The following PLD4 variants were observed in gnomAD, a reference collection of about 807,000 sequenced individuals.
PLD4 encodes phospholipase D family member 4, also known as 5'-3' exonuclease PLD4.
PLD4 carries 54 observed loss-of-function variants against 52.3 expected under a neutral mutation model. The ratio of observed to expected loss-of-function variants is 1.03; its 90% CI spans 0.83 to 1.30. PLD4 has a LOEUF of 1.30. Among genes scored for constraint, PLD4 ranks in the 50% most tolerant of loss-of-function variants. The pLI is 0.00. For missense variants in PLD4, 731 were observed against 671.1 expected (o/e 1.09, Z -0.99); for synonymous variants, 264 against 286.5 (o/e 0.92, Z 0.79).
downstream of PLD4, chr14:104,936,641 A>T (rs961769843): frequency 6.6e-6 from 1 of 152,622 alleles, no homozygotes; most frequent in Admixed American, 6.5e-5. Flanking sequence ...CTCACAGCCC[A>T]GCTCTTGCTC....
chr14:104,927,178 C>T lies in PLD4; in HGVS notation c.38C>T (p.Thr13Ile). ...CTTTGGAAAGCAGCAGTGGCCCCCA[C>T]ATGGCCATGCTCCATGCCGCCCCGC... Reference protein sequence around the residue: ...KPLWKAAVAPTWPCSMPPRRP... With the variant: ...KPLWKAAVAPIWPCSMPPRRP... The change falls in exon 2 of 11, where the codon ACA (threonine) becomes ATA (isoleucine). Residue 13 changes from threonine to isoleucine, a missense_variant. Coordinates refer to ENST00000392593, the MANE Select transcript of PLD4 (RefSeq NM_138790.5). The T allele has an allele frequency of 6.4e-7, 1 of 1,562,758 alleles. No homozygotes were observed. The highest frequency in any genetic ancestry group is 8.7e-7 in the Non-Finnish European group (1 of 1,153,926).
chr14:104,929,293 G>T lies in PLD4; in HGVS notation c.469-14G>T. The T allele has an allele frequency of 6.3e-7, 1 of 1,583,596 alleles. No homozygotes were observed. On this transcript the variant is annotated splice_polypyrimidine_tract_variant and intron_variant, in intron 4 of 10. Transcript: ENST00000392593. ...AGCCTGAGGTCAGCTCTCATGGCTGGCCTGGCCTTGCAGGGAGAGGCTCTT... is the reference window on the plus strand; with the variant it reads ...AGCCTGAGGTCAGCTCTCATGGCTGTCCTGGCCTTGCAGGGAGAGGCTCTT...
rs1391389684 is a variant in PLD4 at position 104,929,293 on chromosome 14, G to A, written c.469-14G>A. On this transcript the variant is annotated splice_polypyrimidine_tract_variant and intron_variant, in intron 4 of 10. Coordinates refer to ENST00000392593, the MANE Select transcript of PLD4 (RefSeq NM_138790.5). ...AGCCTGAGGTCAGCTCTCATGGCTG[G>A]CCTGGCCTTGCAGGGAGAGGCTCTT... 1.3e-6 allele frequency: 2 copies of A among 1,583,596 alleles called. No individual in the cohort carries two copies. The highest frequency in any genetic ancestry group is 2.3e-5 in the East Asian group (1 of 43,648).
chr14:104,933,065 C>T lies in PLD4; in HGVS notation c.*101C>T. ...CTTCCTCCCGCAAGCAGCCCGGGTCCGCACTGCGCCAGGAGCCGCCTGCGA... is the reference window on the plus strand; with the variant it reads ...CTTCCTCCCGCAAGCAGCCCGGGTCTGCACTGCGCCAGGAGCCGCCTGCGA... On this transcript the variant is annotated 3_prime_UTR_variant, in exon 11 of 11. Transcript: ENST00000392593. The T allele has an allele frequency of 6.0e-6, 8 of 1,334,472 alleles. No homozygotes were observed. In the Middle Eastern group the frequency reaches 1.6e-3, roughly 272 times the overall value. The allele number at this position is 1,334,472 out of a possible 1,614,324, so 82.7% of individuals were successfully genotyped here.
At position 104,932,113 on chromosome 14, in the gene PLD4, T is replaced by A. The variant is rs1234778670; in HGVS notation, c.1160T>A (p.Met387Lys). ...TGCGGACTCAACACGGACCCCACCA[T>A]GTTCCCCTACCTGCGGTCCCTGCAG... ...VGCGLNTDPT[M>K]FPYLRSLQAL... Residue 387 changes from methionine to lysine, a missense_variant, in exon 9 of 11, where the codon ATG becomes AAG. Physicochemically the swap from Met to Lys is moderately conservative, Grantham distance 95 (BLOSUM62 -1). Transcript: ENST00000392593. This position sits in a 1 kb window ranked among gnomAD's most constrained non-coding sequence, Gnocchi z 6.5. 6.2e-7 allele frequency: 1 copy of A among 1,611,278 alleles called. No homozygotes were observed. The highest frequency in any genetic ancestry group is 1.1e-5 in the South Asian group (1 of 90,942).
intron 3 of PLD4, 29 bp from the exon 4 acceptor site, chr14:104,928,720 T>C: frequency 1.3e-6 from 2 of 1,541,026 alleles, no homozygotes; most frequent in South Asian, 1.2e-5. Context: ...CCCGCACCCA[T>C]ACTGAGCCCA....
Position 104,929,329 on chromosome 14 carries a change from T to C in PLD4, c.491T>C (p.Leu164Pro). 6.3e-7 allele frequency: 1 copy of C among 1,578,560 alleles called. No homozygotes were observed. The highest frequency in any genetic ancestry group is 8.6e-7 in the Non-Finnish European group (1 of 1,162,592). ...SQLGEALLQK[L>P]QQLLGRNISL... ...CAGGGAGAGGCTCTTCTGCAGAAGCTGCAGCAGCTGCTGGGCAGGAACATT... is the reference window on the plus strand; with the variant it reads ...CAGGGAGAGGCTCTTCTGCAGAAGCCGCAGCAGCTGCTGGGCAGGAACATT... The change falls in exon 5 of 11, where the codon CTG (leucine) becomes CCG (proline). Residue 164 changes from leucine to proline, a missense_variant. Coordinates refer to ENST00000392593, the MANE Select transcript of PLD4 (RefSeq NM_138790.5).
In PLD4 at chr14:104,931,770, C is replaced by T. The variant is rs988373544; in HGVS notation, c.941C>T (p.Pro314Leu). ...YFSASPPALC[P>L]QGRTRDLEAL... ...CAGGCGTCGCCACCAGCACTCTGTC[C>T]CCAGGGCCGCACCCGGGACCTGGAG... The change falls in exon 8 of 11, where the codon CCC becomes CTC. Residue 314 changes from proline (P) to leucine (L), a missense_variant. Coordinates refer to ENST00000392593, the MANE Select transcript of PLD4 (RefSeq NM_138790.5). The T allele has an allele frequency of 3.1e-6, 5 of 1,587,988 alleles. No homozygotes were observed. Among genetic ancestry groups the T allele is most frequent in the Non-Finnish European group, 4.3e-6 (5 of 1,168,622 alleles).
At chr14:104,934,242 A>T (rs116999340), downstream of PLD4, 2 of 153,004 alleles carry the variant, frequency 1.3e-5, no homozygotes, top group East Asian at 3.9e-4. Context: ...CTGGGGATGC[A>T]GTGCCCAGGG....
chr14:104,934,977 C>G (rs994037955), downstream of PLD4: 1 of 152,298 alleles, frequency 6.6e-6, no homozygotes, highest in Non-Finnish European at 1.5e-5. Context: ...CCCTGCAAGG[C>G]CTTCAGGAGC....
At chr14:104,931,639 G>T in intron 7 of PLD4, 109 bp from the exon 8 acceptor site, 1 of 1,399,930 alleles carries the variant, frequency 7.1e-7, no homozygotes. Flanking sequence ...AGGCACCTGG[G>T]CCCCCTCCCT....
At chr14:104,930,507 A>G in intron 6 of PLD4, 2 of 593,062 alleles carry the variant, frequency 3.4e-6, no homozygotes, top group South Asian at 4.2e-5. Flanking sequence ...TTGTTTTTGT[A>G]ATAAACGTGT....
rs1211983541 is a variant in PLD4, at chr14:104,927,296, G to C, written c.90+66G>C. Reference sequence around the variant, plus strand: ...ATGGCCTTTCAAGAGCTCCGAGCCAGAGTGGAGAGGTCACAAGCAGCCTTG... The same window carrying C: ...ATGGCCTTTCAAGAGCTCCGAGCCACAGTGGAGAGGTCACAAGCAGCCTTG... On this transcript the variant is annotated intron_variant, in intron 2 of 10. Transcript: ENST00000392593. 3.0e-6 allele frequency: 4 copies of C among 1,340,470 alleles called. No homozygotes were observed. In the East Asian group the frequency reaches 7.7e-5, roughly 26 times the overall value. 83.0% of individuals were successfully genotyped at this position (1,340,470 alleles called of 1,614,324 possible). A position where few individuals can be genotyped will look rare whatever the true frequency, so the allele number is the denominator to read the frequency against.
Position 104,933,133 on chromosome 14 carries a change from G to A in PLD4, c.*169G>A. ...ACCGCCCGCCTGCTCTCTGATTTCCGAGTCCAGCCCCCCCTGAGCCCCACC... is the reference window on the plus strand; with the variant it reads ...ACCGCCCGCCTGCTCTCTGATTTCCAAGTCCAGCCCCCCCTGAGCCCCACC... On this transcript the variant is annotated 3_prime_UTR_variant, in exon 11 of 11. Transcript: ENST00000392593. 1.3e-6 allele frequency: 1 copy of A among 743,024 alleles called. No homozygotes were observed. Among genetic ancestry groups the A allele is most frequent in the East Asian group, 3.1e-5 (1 of 32,112 alleles). The allele number at this position is 743,024 out of a possible 1,614,324, so 46.0% of individuals were successfully genotyped here.
intron 1 of PLD4, 22 bp from the exon 2 acceptor site, chr14:104,927,119 G>T (rs369297776): frequency 2.0e-6 from 3 of 1,529,206 alleles, no homozygotes; most frequent in South Asian, 2.5e-5. Flanking sequence ...AGCTGCTGGT[G>T]ATGCCAGGCT....
rs1234289452 is a variant in PLD4 at position 104,932,622 on chromosome 14, G to A, written c.1322-143G>A. On this transcript the variant is annotated intron_variant, in intron 10 of 10. Coordinates refer to ENST00000392593, the MANE Select transcript of PLD4 (RefSeq NM_138790.5). This position sits in a 1 kb window ranked among gnomAD's most constrained non-coding sequence, Gnocchi z 6.5. ...GCTGTCCCTCCCGCACCTAAGCGAG[G>A]GGCTTCCCCGGCTGGAGTCTGATGA... 4.3e-6 allele frequency: 4 copies of A among 924,324 alleles called. No individual in the cohort carries two copies. The highest frequency in any genetic ancestry group is 1.7e-5 in the African/African-American group (1 of 59,412). The allele number at this position is 924,324 out of a possible 1,614,324, so 57.3% of individuals were successfully genotyped here. A position where few individuals can be genotyped will look rare whatever the true frequency, so the allele number is the denominator to read the frequency against.
At chr14:104,928,661 C>T in intron 3 of PLD4, 88 bp from the exon 4 acceptor site, 1 of 1,373,738 alleles carries the variant, frequency 7.3e-7, no homozygotes, top group Non-Finnish European at 9.9e-7. Flanking sequence ...AACGGTTGCT[C>T]TGGCTTGGCA....
In PLD4 at chr14:104,932,101, C is replaced by T. The variant is rs1195196202; in HGVS notation, c.1148C>T (p.Thr383Met). 6 of 1,610,728 alleles carry T rather than the reference C, an allele frequency of 3.7e-6. No individual in the cohort carries two copies. In the African/African-American group the frequency reaches 4.0e-5, roughly 11 times the overall value. ...CTGCTGGTCGGCTGCGGACTCAACA[C>T]GGACCCCACCATGTTCCCCTACCTG... is the stretch of plus-strand genomic sequence containing the variant. ...VRLLVGCGLN[T>M]DPTMFPYLRS... Residue 383 changes from threonine (T) to methionine (M), a missense_variant, in exon 9 of 11, where the codon ACG becomes ATG. Thr to Met is a moderately conservative substitution (Grantham distance 81, BLOSUM62 -1). Coordinates refer to ENST00000392593, the MANE Select transcript of PLD4 (RefSeq NM_138790.5). The surrounding 1 kb of genome is among the most constrained non-coding windows in gnomAD (Gnocchi z 6.5).
intron 2 of PLD4, 50 bp downstream of exon 2, chr14:104,927,280 C>T: frequency 1.4e-6 from 2 of 1,432,022 alleles, no homozygotes; most frequent in Non-Finnish European, 1.9e-6. Flanking sequence ...AATGGCCTTT[C>T]AAGAGCTCCG....
Sources: gnomAD v4.1 joint callset for allele counts on GRCh38, gnomAD v4.1.1 for gene constraint, Gnocchi (gnomAD v3.1) non-coding constraint, MANE v1.5 for transcripts, NCBI Gene and HGNC (gene_info 2026-07-23, HGNC 2026-07-21) for gene names.